ORC5: variants seen among roughly 807,000 people sequenced by gnomAD.
ORC5 encodes origin recognition complex subunit 5, also known as protein phosphatase 1, regulatory subunit 117.
In ORC5, 39 loss-of-function variants were observed where a neutral mutation model predicts 58.8. That is an observed-to-expected ratio of 0.66 (90% CI 0.51 to 0.87). The LOEUF (loss-of-function observed/expected upper bound fraction) is 0.87. Among genes scored for constraint, ORC5 ranks in the 40% least tolerant of loss-of-function variants. The pLI is 0.00. For missense variants in ORC5, 493 were observed against 506.3 expected (o/e 0.97, Z 0.25); for synonymous variants, 218 against 177.6 (o/e 1.23, Z -1.81).
chr7:104,157,729 A>T (rs1798949941), intron 12 of ORC5, among the ~76,000 whole-genome samples: 3 of 152,070 alleles, frequency 2.0e-5, no homozygotes, highest in African/African-American at 7.2e-5. Flanking sequence ...ATTTCTAAAA[A>T]CAGAAAATGC....
chr7:104,153,945 A>G (rs1235647739), intron 12 of ORC5, among the ~76,000 whole-genome samples: 2 of 152,172 alleles, frequency 1.3e-5, no homozygotes, highest in African/African-American at 4.8e-5. Context: ...AATATTATGT[A>G]ATATGCAAAT....
At chr7:104,189,247 GA>G (rs1349140868) in intron 5 of ORC5, among the ~76,000 whole-genome samples, 1 of 151,952 alleles carries the variant, frequency 6.6e-6, no homozygotes, top group African/African-American at 2.4e-5. Flanking sequence ...CATGGCTGGG[GA>G]GGCCTCAGGA....
chr7:104,207,948 G>T lies in ORC5; in HGVS notation c.-44C>A, dbSNP rs755769996. 4 of 1,576,792 alleles carry T rather than the reference G, an allele frequency of 2.5e-6. No individual in the cohort carries two copies. Among genetic ancestry groups the T allele is most frequent in the Admixed American group, 1.7e-5 (1 of 59,876 alleles). On this transcript the variant is annotated 5_prime_UTR_variant, in exon 1 of 14. Transcript: ENST00000297431. ...AGAGGCCAGTGCAGCCAGCCCACAG[G>T]ACCCTTGCACAAGACGGAGCCTCTC... is the stretch of plus-strand genomic sequence containing the variant.
intron 12 of ORC5, among the ~76,000 whole-genome samples, chr7:104,149,146 G>A (rs1423325707): frequency 6.6e-6 from 1 of 151,948 alleles, no homozygotes; most frequent in African/African-American, 2.4e-5. Context: ...TTACACATTT[G>A]TGGATTAAAG....
intron 5 of ORC5, among the ~76,000 whole-genome samples, chr7:104,188,891 T>C (rs1420451506): frequency 3.9e-5 from 6 of 152,064 alleles, no homozygotes; most frequent in Non-Finnish European, 5.9e-5. Context: ...TCATGCTCTC[T>C]CTCCTGCTGG....
chr7:104,205,295 G>A (rs563122780), intron 1 of ORC5, among the ~76,000 whole-genome samples: 26 of 151,654 alleles, frequency 1.7e-4, no homozygotes, highest in African/African-American at 6.3e-4. Context: ...TCACCATGTT[G>A]GTCAGGCTGG....
intron 1 of ORC5, among the ~76,000 whole-genome samples, chr7:104,207,289 G>C (rs1800112726): frequency 6.6e-6 from 1 of 152,060 alleles, no homozygotes; most frequent in Admixed American, 6.5e-5. Context: ...CTCCTCTCTA[G>C]GGCATCCTGT....
rs1161313032 is a variant in ORC5, at chr7:104,200,955, G to T, written c.169C>A (p.Pro57Thr). 1 of 1,611,928 alleles carries T rather than the reference G, an allele frequency of 6.2e-7. No individual in the cohort carries two copies. The highest frequency in any genetic ancestry group is 8.5e-7 in the Non-Finnish European group (1 of 1,178,772). ...TQTLLKTLEL[P>T]HVFVNCVECF... ...TCAACACAATTCACAAACACATGTGGGAGCTGAAAACGAAAACCAAAACAC... is the reference window on the plus strand; with the variant it reads ...TCAACACAATTCACAAACACATGTGTGAGCTGAAAACGAAAACCAAAACAC... Residue 57 changes from proline to threonine, a missense_variant, in exon 3 of 14, where the codon CCA (proline) becomes ACA (threonine). Physicochemically the swap from Pro to Thr is conservative, Grantham distance 38. This residue lies in a region of ORC5 where 412 missense variants were observed against 403.7 expected (regional missense o/e 1.02). Transcript: ENST00000297431.
intron 12 of ORC5, among the ~76,000 whole-genome samples, chr7:104,147,671 C>G (rs1798778559): frequency 6.6e-6 from 1 of 152,044 alleles, no homozygotes; most frequent in Non-Finnish European, 1.5e-5. Flanking sequence ...CCAAAAGTCC[C>G]AATGAAAAAT....
chr7:104,154,592 A>T (rs571981301), intron 12 of ORC5, among the ~76,000 whole-genome samples: 1 of 152,100 alleles, frequency 6.6e-6, no homozygotes, highest in South Asian at 2.1e-4. Context: ...TCATTTCTGT[A>T]TTCTCTTTAT....
intron 9 of ORC5, chr7:104,168,132 A>G: frequency 2.6e-6 from 1 of 378,862 alleles, no homozygotes; most frequent in Non-Finnish European, 3.9e-6. Context: ...ATTACATTTT[A>G]TTCCATAAAA....
intron 2 of ORC5, 33 bp downstream of exon 2, chr7:104,204,109 T>C (rs2245659): frequency 8.1e-7 from 1 of 1,229,520 alleles, no homozygotes; most frequent in Non-Finnish European, 1.2e-6. Flanking sequence ...ACACTAAAAA[T>C]GGCAAAGAAA....
At position 104,207,409 on chromosome 7, in the gene ORC5, C is replaced by A. The variant is rs142747967; in HGVS notation, c.72+424G>T. 1.8e-3 allele frequency among the ~76,000 whole-genome samples: 271 copies of A among 151,706 alleles called. 1 individual carries two copies. The highest frequency in any genetic ancestry group is 6.4e-3 in the African/African-American group (263 of 41,308). ...GAAGCACTGCTTTGGCCCTTAGTGG[C>A]CTTGAAAGCAACCACCTCTCTACAC... On this transcript the variant is annotated intron_variant, in intron 1 of 13. Transcript: ENST00000297431.
intron 1 of ORC5, among the ~76,000 whole-genome samples, chr7:104,206,490 T>C (rs1484938896): frequency 6.6e-6 from 1 of 152,194 alleles, no homozygotes; most frequent in Non-Finnish European, 1.5e-5. Flanking sequence ...CTGCGTTCCA[T>C]AGATGAAATG....
chr7:104,189,512 C>T (rs1055490005), intron 5 of ORC5, among the ~76,000 whole-genome samples: 3 of 152,016 alleles, frequency 2.0e-5, no homozygotes, highest in African/African-American at 4.8e-5. Flanking sequence ...CAAGGCCCCA[C>T]CTCCTGTCCT....
chr7:104,177,881 T>TC (rs1379866400), intron 8 of ORC5, among the ~76,000 whole-genome samples: 6 of 152,224 alleles, frequency 3.9e-5, no homozygotes, highest in African/African-American at 1.4e-4. Context: ...TTCACCTATG[T>TC]CCCTGCAAAG....
intron 12 of ORC5, among the ~76,000 whole-genome samples, chr7:104,140,907 C>G (rs1468252477): frequency 6.6e-6 from 1 of 152,198 alleles, no homozygotes; most frequent in African/African-American, 2.4e-5. Context: ...AAAAGGTTTG[C>G]TGACCTCTGC....
At chr7:104,152,014 T>C (rs997187203) in intron 12 of ORC5, among the ~76,000 whole-genome samples, 5 of 152,194 alleles carry the variant, frequency 3.3e-5, no homozygotes, top group African/African-American at 4.8e-5. Context: ...CAGCTACTGC[T>C]GTATGTCTAT....
intron 9 of ORC5, 63 bp downstream of exon 9, chr7:104,168,410 T>C (rs759756185): frequency 8.2e-6 from 13 of 1,582,758 alleles, no homozygotes; most frequent in African/African-American, 6.7e-5. Flanking sequence ...GTATTAACTT[T>C]AGTATCTTGA....
Sources: allele counts gnomAD v4.1 joint callset (sites outside exome capture counted in the v4.1 genomes callset), GRCh38; gene constraint gnomAD v4.1.1; regional missense constraint gnomAD v4.1.1; transcripts MANE v1.5; gene names NCBI Gene and HGNC (gene_info 2026-07-23, HGNC 2026-07-21).